Variants in ZFHX3 observed in about 807,000 individuals in gnomAD.
The protein encoded by ZFHX3 is zinc finger homeobox protein 3.
In ZFHX3, 42 loss-of-function variants were observed where a neutral mutation model predicts 279.1. The ratio of observed to expected loss-of-function variants is 0.15; its 90% CI spans 0.12 to 0.19. The LOEUF (loss-of-function observed/expected upper bound fraction) is 0.19. ZFHX3 is among the 10% of genes least tolerant of loss of function. ZFHX3 has a pLI of 1.00. For missense variants in ZFHX3, 4,981 were observed against 4,754.0 expected (o/e 1.05, Z -1.40); for synonymous variants, 2,293 against 1,957.8 (o/e 1.17, Z -4.52).
intron 2 of ZFHX3, among the ~76,000 whole-genome samples, chr16:73,529,313 TA>T (rs1385657127): frequency 6.6e-6 from 1 of 152,180 alleles, no homozygotes; most frequent in African/African-American, 2.4e-5. Flanking sequence ...AATGCCTCTA[TA>T]AGAAAGGACA....
At chr16:72,898,927 G>C (rs1052116907) in intron 3 of ZFHX3, among the ~76,000 whole-genome samples, 1 of 152,002 alleles carries the variant, frequency 6.6e-6, no homozygotes, top group African/African-American at 2.4e-5. Context: ...ATGGCTGAGT[G>C]AGTGTGCACA....
At chr16:73,004,321 CTTTTTTTT>C (rs34987461) in intron 1 of ZFHX3, among the ~76,000 whole-genome samples, 2 of 52,102 alleles carry the variant, frequency 3.8e-5, no homozygotes, top group Admixed American at 6.2e-4. Flanking sequence ...ATGCATCAAT[CTTTTTTTT>C]TTTTTTTTTT....
chr16:73,166,317 A>G (rs1287275447), intron 5 of ZFHX3, among the ~76,000 whole-genome samples: 2 of 152,162 alleles, frequency 1.3e-5, no homozygotes, highest in Admixed American at 1.3e-4. Context: ...TGGCCCTCTA[A>G]AAGGAAGAGA....
intron 5 of ZFHX3, among the ~76,000 whole-genome samples, chr16:73,179,060 C>T (rs1330539605): frequency 2.6e-5 from 4 of 152,098 alleles, no homozygotes; most frequent in Admixed American, 6.6e-5. Context: ...TTTTGGCAGC[C>T]GTAACTCATA....
At chr16:73,834,117 C>T (rs1445198411) in intron 1 of ZFHX3, among the ~76,000 whole-genome samples, 1 of 152,136 alleles carries the variant, frequency 6.6e-6, no homozygotes, top group Non-Finnish European at 1.5e-5. Context: ...AGGTGAGCCT[C>T]TACGAGTTAA....
intron 2 of ZFHX3, among the ~76,000 whole-genome samples, chr16:73,652,197 G>C (rs1266505910): frequency 6.6e-6 from 1 of 152,176 alleles, no homozygotes; most frequent in Non-Finnish European, 1.5e-5. Context: ...ATAGTGGTAA[G>C]GAGGTGGACC....
intron 4 of ZFHX3, among the ~76,000 whole-genome samples, chr16:73,314,003 G>T (rs2143174008): frequency 6.6e-6 from 1 of 152,284 alleles, no homozygotes; most frequent in South Asian, 2.1e-4. Flanking sequence ...AGAGGCTGAG[G>T]TGGGAGGATG....
intron 5 of ZFHX3, among the ~76,000 whole-genome samples, chr16:73,164,463 G>A (rs1456636344): frequency 6.6e-6 from 1 of 152,150 alleles, no homozygotes; most frequent in Non-Finnish European, 1.5e-5. Context: ...ACTTTGGGAG[G>A]CCAAGGCGGG....
intron 1 of ZFHX3, among the ~76,000 whole-genome samples, chr16:72,964,167 C>T (rs985070283): frequency 2.0e-5 from 3 of 152,162 alleles, no homozygotes; most frequent in Admixed American, 6.5e-5. Context: ...CTCAGAAGTG[C>T]ACATCCCTCC....
At chr16:73,219,101 C>T (rs1225214191) in intron 5 of ZFHX3, among the ~76,000 whole-genome samples, 1 of 152,194 alleles carries the variant, frequency 6.6e-6, no homozygotes, top group East Asian at 1.9e-4. Context: ...AAGGTTCATT[C>T]GTATTGAAGC....
intron 2 of ZFHX3, among the ~76,000 whole-genome samples, chr16:73,522,306 T>A (rs2019620777): frequency 6.6e-6 from 1 of 152,172 alleles, no homozygotes; most frequent in Non-Finnish European, 1.5e-5. Flanking sequence ...TTTGAAGCAT[T>A]ATTGTGAAGA....
At chr16:72,945,656 G>A (rs1317525635) in intron 3 of ZFHX3, among the ~76,000 whole-genome samples, 8 of 152,102 alleles carry the variant, frequency 5.3e-5, no homozygotes, top group African/African-American at 1.4e-4. Flanking sequence ...GCAGAAGTAT[G>A]TACTTAAAAC....
intron 4 of ZFHX3, among the ~76,000 whole-genome samples, chr16:73,279,922 A>G (rs1481574063): frequency 6.6e-6 from 1 of 152,236 alleles, no homozygotes; most frequent in African/African-American, 2.4e-5. Context: ...AAAAACAGAT[A>G]CATAGACTAA....
intron 1 of ZFHX3, among the ~76,000 whole-genome samples, chr16:72,977,432 T>C (rs1225482467): frequency 6.6e-6 from 1 of 152,168 alleles, no homozygotes; most frequent in Non-Finnish European, 1.5e-5. Context: ...TGCTGCATTA[T>C]GGGGAATGCT....
At chr16:73,769,868 C>A (rs2053997978) in intron 1 of ZFHX3, among the ~76,000 whole-genome samples, 1 of 152,144 alleles carries the variant, frequency 6.6e-6, no homozygotes, top group South Asian at 2.1e-4. Flanking sequence ...CAGTGATAAA[C>A]AGAACTCTCT....
chr16:72,894,647 T>C (rs78065728), intron 3 of ZFHX3, among the ~76,000 whole-genome samples: 1 of 152,346 alleles, frequency 6.6e-6, no homozygotes, highest in East Asian at 1.9e-4. Context: ...AATTTGTTCC[T>C]GACCCAGCTA....
chr16:73,203,134 G>A (rs979798087), intron 5 of ZFHX3, among the ~76,000 whole-genome samples: 44 of 151,848 alleles, frequency 2.9e-4, no homozygotes, highest in Non-Finnish European at 1.2e-4. Context: ...CTACTCCGTC[G>A]TCCAGGAGTC....
intron 4 of ZFHX3, among the ~76,000 whole-genome samples, chr16:72,852,601 ATTTTC>A (rs939949002): frequency 3.9e-5 from 6 of 152,216 alleles, no homozygotes; most frequent in Admixed American, 1.3e-4. Flanking sequence ...TAAGTTGTAT[ATTTTC>A]TTTTAAGTAA....
At chr16:73,204,645 A>G (rs1388561583) in intron 5 of ZFHX3, among the ~76,000 whole-genome samples, 3 of 152,174 alleles carry the variant, frequency 2.0e-5, no homozygotes, top group East Asian at 3.9e-4. Context: ...GACTGGTACC[A>G]GTCCCTGAGG....
Sources: gnomAD v4.1 joint callset for allele counts (sites outside exome capture counted in the v4.1 genomes callset) on GRCh38, gnomAD v4.1.1 for gene constraint, MANE v1.5 for transcripts, NCBI Gene and HGNC (gene_info 2026-07-23, HGNC 2026-07-21) for gene names.